PLCZ1: variants seen among roughly 807,000 people sequenced by gnomAD.
PLCZ1 encodes 1-phosphatidylinositol 4,5-bisphosphate phosphodiesterase zeta-1.
PLCZ1 carries 64 observed loss-of-function variants against 76.8 expected under a neutral mutation model. The observed-to-expected ratio is 0.83, with a 90% confidence interval of 0.68 to 1.03. PLCZ1 has a LOEUF of 1.03. Ranked by LOEUF, PLCZ1 falls within the 50% of genes least tolerant of loss-of-function variation. PLCZ1 has a pLI of 0.00. For missense variants in PLCZ1, 751 were observed against 713.7 expected (o/e 1.05, Z -0.60); for synonymous variants, 248 against 230.8 (o/e 1.07, Z -0.68).
chr12:18,721,412 G>A (rs1358127931), intron 4 of PLCZ1, among the ~76,000 whole-genome samples: 4 of 152,054 alleles, frequency 2.6e-5, no homozygotes, highest in African/African-American at 4.8e-5. Context: ...TCCTGGCTGT[G>A]TTGGAGAGTA....
the PLCZ1 span, among the ~76,000 whole-genome samples, chr12:18,657,638 T>A: frequency 2.6e-5 from 4 of 152,226 alleles, no homozygotes; most frequent in Admixed American, 1.3e-4. Context: ...ATACATACTT[T>A]AAAAAATCAG....
At chr12:18,723,190 C>G in intron 4 of PLCZ1, 121 bp downstream of exon 4, 1 of 841,654 alleles carries the variant, frequency 1.2e-6, no homozygotes, top group Non-Finnish European at 1.9e-6. Flanking sequence ...TTTGACCCAT[C>G]CAAAAACGGT....
chr12:18,669,150 G>A, the PLCZ1 span, among the ~76,000 whole-genome samples: 1 of 152,016 alleles, frequency 6.6e-6, no homozygotes, highest in Non-Finnish European at 1.5e-5. Flanking sequence ...TTATTTTCTT[G>A]ATTCCTCTGA....
At chr12:18,673,018 A>G in the PLCZ1 span, among the ~76,000 whole-genome samples, 1 of 152,214 alleles carries the variant, frequency 6.6e-6, no homozygotes, top group African/African-American at 2.4e-5. Context: ...GATGGCATAC[A>G]TTAAAATACA....
chr12:18,693,204 C>T, intron 12 of PLCZ1: 1 of 1,570,078 alleles, frequency 6.4e-7, no homozygotes, highest in South Asian at 1.1e-5. Flanking sequence ...AGACAAGGAT[C>T]TTCTGGAACC....
intron 10 of PLCZ1, among the ~76,000 whole-genome samples, chr12:18,697,847 T>C (rs575099184): frequency 6.6e-6 from 1 of 151,626 alleles, no homozygotes; most frequent in Non-Finnish European, 1.5e-5. Flanking sequence ...ATTGGCATCC[T>C]TGAAGTTAAA....
chr12:18,650,723 T>TTCCAGTCC, the PLCZ1 span, among the ~76,000 whole-genome samples: 4 of 18,364 alleles, frequency 2.2e-4, no homozygotes, highest in Non-Finnish European at 2.6e-4. Flanking sequence ...TATATATATA[T>TTCCAGTCC]ATATATATAT....
chr12:18,715,160 A>G (rs11044265), intron 5 of PLCZ1, among the ~76,000 whole-genome samples: 63,357 of 63,362 alleles, frequency 1, 31,676 homozygotes, highest in Middle Eastern at 1. Flanking sequence ...AATATGAGAG[A>G]AAGGCGGTGG....
chr12:18,665,172 A>T, the PLCZ1 span, among the ~76,000 whole-genome samples: 2 of 149,888 alleles, frequency 1.3e-5, no homozygotes, highest in African/African-American at 4.9e-5. Context: ...ATAAAAAATA[A>T]AAAAAAATTA....
chr12:18,680,286 A>T (rs1009924471), downstream of PLCZ1, among the ~76,000 whole-genome samples: 1 of 151,858 alleles, frequency 6.6e-6, no homozygotes, highest in Non-Finnish European at 1.5e-5. Flanking sequence ...TGACTCCCAA[A>T]TTTCCTGAGA....
At chr12:18,736,953 G>GAAA (rs771187814) in intron 2 of PLCZ1, among the ~76,000 whole-genome samples, 1 of 151,346 alleles carries the variant, frequency 6.6e-6, no homozygotes. Flanking sequence ...TATGAAAAAC[G>GAAA]AAAAAAATTT....
intron 3 of PLCZ1, among the ~76,000 whole-genome samples, chr12:18,725,763 G>A (rs1442915228): frequency 9.9e-5 from 15 of 152,048 alleles, no homozygotes; most frequent in Non-Finnish European, 4.4e-5. Flanking sequence ...TGGTACCTAT[G>A]TTTCTCGTTG....
At chr12:18,705,113 C>T (rs1956440079) in intron 7 of PLCZ1, 53 bp downstream of exon 7, 2 of 1,592,914 alleles carry the variant, frequency 1.3e-6, no homozygotes, top group African/African-American at 1.3e-5. Flanking sequence ...ATAACAGTGA[C>T]ATGTTTTCAT....
chr12:18,723,491 T>C lies in PLCZ1; in HGVS notation c.187A>G (p.Ile63Val). ...GRITIEEFRA[I>V]YRIITHREEI... is the part of the protein sequence containing the mutation. ...TCTCTGTGCGTGATAATTCGATAAATTGCTCTAAATTCTTCTATGGTGATT... is the reference window on the plus strand; with the variant it reads ...TCTCTGTGCGTGATAATTCGATAAACTGCTCTAAATTCTTCTATGGTGATT... Residue 63 changes from isoleucine (I) to valine (V), a missense_variant, in exon 4 of 15, where the codon ATT (isoleucine) becomes GTT (valine). Ile to Val is a conservative substitution (Grantham distance 29). Transcript: ENST00000266505. The C allele has an allele frequency of 6.2e-7, 1 of 1,612,940 alleles. No homozygotes were observed. Among genetic ancestry groups the C allele is most frequent in the Non-Finnish European group, 8.5e-7 (1 of 1,179,444 alleles).
chr12:18,665,396 AT>A, the PLCZ1 span, among the ~76,000 whole-genome samples: 1 of 152,108 alleles, frequency 6.6e-6, no homozygotes, highest in Non-Finnish European at 1.5e-5. Context: ...TATTATTTGT[AT>A]TTCACCACAA....
At chr12:18,668,186 C>A in the PLCZ1 span, among the ~76,000 whole-genome samples, 1 of 152,092 alleles carries the variant, frequency 6.6e-6, no homozygotes, top group African/African-American at 2.4e-5. Context: ...AAAAAAAGTC[C>A]AGTCATACTT....
downstream of PLCZ1, among the ~76,000 whole-genome samples, chr12:18,680,657 G>T (rs1028656697): frequency 6.6e-6 from 1 of 152,040 alleles, no homozygotes; most frequent in African/African-American, 2.4e-5. Flanking sequence ...GATAATGGAA[G>T]AAGTCAGAAT....
the PLCZ1 span, among the ~76,000 whole-genome samples, chr12:18,676,782 A>G: frequency 1.3e-5 from 2 of 152,128 alleles, no homozygotes; most frequent in South Asian, 4.1e-4. Context: ...GGTGTTAGAA[A>G]AACTAGAAGG....
intron 3 of PLCZ1, among the ~76,000 whole-genome samples, chr12:18,730,808 A>G (rs1306831210): frequency 2.0e-5 from 3 of 152,202 alleles, no homozygotes; most frequent in Admixed American, 1.3e-4. Flanking sequence ...TTCACATTTG[A>G]TACAGATTTC....
Sources: gnomAD v4.1 joint callset for allele counts (sites outside exome capture counted in the v4.1 genomes callset) on GRCh38, gnomAD v4.1.1 for gene constraint, MANE v1.5 for transcripts, NCBI Gene and HGNC (gene_info 2026-07-23, HGNC 2026-07-21) for gene names.